The following TMEM233 variants were observed in gnomAD, a reference collection of about 807,000 sequenced individuals.
The protein encoded by TMEM233 is transmembrane protein 233, also known as dispanin subfamily B member 2.
In TMEM233, 6 loss-of-function variants were observed where a neutral mutation model predicts 11.2. The observed-to-expected ratio is 0.54, with a 90% CI of 0.29 to 1.06. The LOEUF is 1.06. Among genes scored for constraint, TMEM233 ranks in the 50% least tolerant of loss-of-function variants. The probability of loss-of-function intolerance (pLI) is 0.08; values close to 1 mark genes in which losing one functional copy is unlikely to be tolerated. For missense variants in TMEM233, 127 were observed against 144.7 expected (o/e 0.88, Z 0.63); for synonymous variants, 59 against 55.8 (o/e 1.06, Z -0.26).
chr12:119,635,689 T>A (rs1380690529), intron 2 of TMEM233, among the ~76,000 whole-genome samples: 3 of 152,170 alleles, frequency 2.0e-5, no homozygotes, highest in African/African-American at 4.8e-5. Context: ...CCATTTCAGA[T>A]GCTAATTGCA....
chr12:119,619,529 T>A (rs1421693336), intron 1 of TMEM233, among the ~76,000 whole-genome samples: 1 of 151,784 alleles, frequency 6.6e-6, no homozygotes. Context: ...TAGTCCCAGA[T>A]ACTTGGGAGG....
intron 2 of TMEM233, among the ~76,000 whole-genome samples, chr12:119,631,976 T>C (rs1566112513): frequency 2.0e-5 from 3 of 152,208 alleles, no homozygotes; most frequent in Non-Finnish European, 4.4e-5. Context: ...GAATTCAAGA[T>C]GCCATTAAAT....
At chr12:119,631,371 T>C in intron 2 of TMEM233, 1 of 344,614 alleles carries the variant, frequency 2.9e-6, no homozygotes, top group Non-Finnish European at 4.1e-6. Flanking sequence ...GCAGATGTCA[T>C]GGTAGATCCA....
chr12:119,647,587 C>T (rs1955170362), downstream of TMEM233, among the ~76,000 whole-genome samples: 1 of 152,226 alleles, frequency 6.6e-6, no homozygotes, highest in Admixed American at 6.5e-5. Context: ...AGCATCTACT[C>T]TTCTGGACTA....
chr12:119,650,537 T>C, the TMEM233 span, among the ~76,000 whole-genome samples: 1 of 152,270 alleles, frequency 6.6e-6, no homozygotes, highest in Admixed American at 6.5e-5. Flanking sequence ...CCCTAATTCG[T>C]TGCAAACTTG....
chr12:119,654,262 A>G, the TMEM233 span, among the ~76,000 whole-genome samples: 2 of 152,220 alleles, frequency 1.3e-5, no homozygotes. Flanking sequence ...TCAACAATGA[A>G]AGCAAAATAA....
At chr12:119,625,916 T>C (rs2086113587) in intron 1 of TMEM233, among the ~76,000 whole-genome samples, 1 of 152,148 alleles carries the variant, frequency 6.6e-6, no homozygotes, top group African/African-American at 2.4e-5. Context: ...TTTCCCCAAT[T>C]ATCCCGAAGA....
chr12:119,600,387 T>TAA (rs10682613), intron 1 of TMEM233, among the ~76,000 whole-genome samples: 8,243 of 139,884 alleles, frequency 0.059, 791 homozygotes, highest in African/African-American at 0.2. Flanking sequence ...GTGGGTAGAT[T>TAA]AAAAAAAAAA....
At chr12:119,597,477 AAAAG>A (rs960172194) in intron 1 of TMEM233, among the ~76,000 whole-genome samples, 1 of 152,134 alleles carries the variant, frequency 6.6e-6, no homozygotes, top group African/African-American at 2.4e-5. Flanking sequence ...GGTAAAAAAA[AAAAG>A]AGCCAACAAT....
At position 119,594,326 on chromosome 12, in the gene TMEM233, G is replaced by A. The variant is rs1337406286; in HGVS notation, c.186+292G>A. The stretch of plus-strand genomic sequence containing the variant: ...AGGGTGCGTTTCCTCTCCAACCCGG[G>A]GAAGTTCTTCCGTGGACTTTGCTGA... On this transcript the variant is annotated intron_variant, in intron 1 of 2. Coordinates refer to ENST00000426426, the MANE Select transcript of TMEM233 (RefSeq NM_001136534.3). The surrounding 1 kb of genome is among the most constrained non-coding windows in gnomAD (Gnocchi z 5.6). The A allele has an allele frequency of 5.1e-6, 2 of 390,016 alleles. No homozygotes were observed. The highest frequency in any genetic ancestry group is 9.3e-6 in the Non-Finnish European group (2 of 215,320). 24.2% of individuals were successfully genotyped at this position (390,016 alleles called of 1,614,324 possible).
At chr12:119,627,274 T>C (rs1954784417) in intron 1 of TMEM233, among the ~76,000 whole-genome samples, 1 of 152,272 alleles carries the variant, frequency 6.6e-6, no homozygotes, top group Non-Finnish European at 1.5e-5. Context: ...TTGCAGGCCC[T>C]ACATTCTCTG....
At chr12:119,626,958 A>C (rs141070182) in intron 1 of TMEM233, among the ~76,000 whole-genome samples, 2 of 152,372 alleles carry the variant, frequency 1.3e-5, no homozygotes, top group East Asian at 3.9e-4. Flanking sequence ...ATGAGCACAG[A>C]ATCAGAGAAG....
chr12:119,631,695 G>T (rs926904085), intron 2 of TMEM233: 2 of 983,626 alleles, frequency 2.0e-6, no homozygotes, highest in African/African-American at 3.5e-5. Flanking sequence ...TGCAGTTTTG[G>T]CACCAGACTG....
At chr12:119,598,385 C>T (rs1954090848) in intron 1 of TMEM233, among the ~76,000 whole-genome samples, 1 of 152,164 alleles carries the variant, frequency 6.6e-6, no homozygotes. Flanking sequence ...AAAACTGAAC[C>T]AACTGGTCAC....
intron 1 of TMEM233, among the ~76,000 whole-genome samples, chr12:119,607,652 A>G (rs951840907): frequency 1.3e-5 from 2 of 149,270 alleles, no homozygotes; most frequent in South Asian, 2.1e-4. Flanking sequence ...CCTGGCTCCC[A>G]GGCTCAAGTG....
chr12:119,645,993 G>A (rs1541345), downstream of TMEM233, among the ~76,000 whole-genome samples: 7,189 of 152,014 alleles, frequency 0.047, 212 homozygotes, highest in Non-Finnish European at 0.055. Flanking sequence ...CCTAAAGCAC[G>A]CCTAGAAGGG....
the TMEM233 span, among the ~76,000 whole-genome samples, chr12:119,651,485 G>A: frequency 6.6e-6 from 1 of 152,230 alleles, no homozygotes; most frequent in African/African-American, 2.4e-5. Flanking sequence ...AAAAACTGCA[G>A]CAAGAAGGGT....
intron 1 of TMEM233, among the ~76,000 whole-genome samples, chr12:119,616,349 G>T (rs978388408): frequency 5.3e-5 from 8 of 152,222 alleles, no homozygotes; most frequent in Non-Finnish European, 8.8e-5. Flanking sequence ...TGTTCTATAA[G>T]ATCCATTTGG....
chr12:119,650,035 G>A, the TMEM233 span, among the ~76,000 whole-genome samples: 3 of 151,796 alleles, frequency 2.0e-5, no homozygotes. Context: ...GCGGGCGCCT[G>A]TACTCCCAGC....
Sources: allele counts gnomAD v4.1 joint callset (sites outside exome capture counted in the v4.1 genomes callset), GRCh38; gene constraint gnomAD v4.1.1; non-coding constraint Gnocchi (gnomAD v3.1); transcripts MANE v1.5; gene names NCBI Gene and HGNC (gene_info 2026-07-23, HGNC 2026-07-21).